Variants in ITGAV observed in about 807,000 individuals in gnomAD.
ITGAV encodes integrin subunit alpha V.
A neutral mutation model predicts 143.8 loss-of-function variants in ITGAV; 76 were observed. That is an observed-to-expected ratio of 0.53 (90% confidence interval 0.44 to 0.64). The LOEUF is 0.64. Ranked by LOEUF, ITGAV falls within the 30% of genes least tolerant of loss-of-function variation. The pLI is 0.00. For missense variants in ITGAV, 1,193 were observed against 1,274.7 expected, an observed-to-expected ratio of 0.94 and a Z score of 0.98; for synonymous variants, 453 against 446.7, an observed-to-expected ratio of 1.01 and a Z score of -0.18.
At chr2:186,655,170 C>T (rs911514198) in intron 16 of ITGAV, among the ~76,000 whole-genome samples, 3 of 152,174 alleles carry the variant, frequency 2.0e-5, no homozygotes, top group African/African-American at 7.2e-5. Context: ...CTCTACTCTT[C>T]TTTTCCTAAA....
chr2:186,646,853 G>C lies in ITGAV; in HGVS notation c.1327G>C (p.Asp443His). Residue 443 changes from aspartate (D) to histidine (H), a missense_variant, in exon 13 of 30, where the codon GAT becomes CAT. Asp to His is a moderately conservative substitution (Grantham distance 81). Coordinates refer to ENST00000261023, the MANE Select transcript of ITGAV (RefSeq NM_002210.5). ...TGGCTATTCAATGAAAGGAGCCACAGATATAGACAAAAATGGATATCCAGG... is the reference window on the plus strand; with the variant it reads ...TGGCTATTCAATGAAAGGAGCCACACATATAGACAAAAATGGATATCCAGG... ...SFGYSMKGAT[D>H]IDKNGYPDLI... is the part of the protein sequence containing the mutation. The C allele has an allele frequency of 6.3e-7, 1 of 1,594,670 alleles. No homozygotes were observed. Among genetic ancestry groups the C allele is most frequent in the Non-Finnish European group, 8.6e-7 (1 of 1,167,262 alleles).
chr2:186,638,631 C>CGT (rs34535817), intron 10 of ITGAV, among the ~76,000 whole-genome samples, 166 bp downstream of exon 10: 7,425 of 144,702 alleles, frequency 0.051, 288 homozygotes, highest in African/African-American at 0.1. Context: ...CTCTTTTGAG[C>CGT]GTGTGTGTGT....
Position 186,663,828 on chromosome 2 carries a change from G to T in ITGAV, c.1918G>T (p.Val640Leu). The change falls in exon 19 of 30, where the codon GTA (valine) becomes TTA (leucine). Residue 640 changes from valine to leucine, a missense_variant. Coordinates refer to ENST00000261023, the MANE Select transcript of ITGAV (RefSeq NM_002210.5). ...NVCKPKLEVS[V>L]DSDQKKIYIG... is the part of the protein sequence containing the mutation. Reference sequence around the variant, plus strand: ...CTGTAAACCCAAGCTGGAAGTTTCTGTAGATAGGTAAGTTTTGCTTGAAAT... The same window carrying T: ...CTGTAAACCCAAGCTGGAAGTTTCTTTAGATAGGTAAGTTTTGCTTGAAAT... 1 of 1,607,632 alleles carries T rather than the reference G, an allele frequency of 6.2e-7. No homozygotes were observed.
chr2:186,613,919 G>A (rs1364529653), intron 2 of ITGAV, among the ~76,000 whole-genome samples: 2 of 151,892 alleles, frequency 1.3e-5, no homozygotes, highest in African/African-American at 4.8e-5. Context: ...TAGAATAGAG[G>A]TTCCTAGGAA....
intron 1 of ITGAV, among the ~76,000 whole-genome samples, chr2:186,595,528 CCTCT>C (rs528202159): frequency 1.4e-4 from 22 of 152,096 alleles, no homozygotes; most frequent in Non-Finnish European, 2.5e-4. Context: ...TCTTGTCCTT[CCTCT>C]CTTTTTCCTT....
At chr2:186,623,112 A>T (rs779929535) in intron 3 of ITGAV, among the ~76,000 whole-genome samples, 1 of 151,988 alleles carries the variant, frequency 6.6e-6, no homozygotes, top group African/African-American at 2.4e-5. Flanking sequence ...ATCTCCCCCT[A>T]TGCCACTGTC....
At chr2:186,627,335 A>G (rs1225592600) in intron 4 of ITGAV, among the ~76,000 whole-genome samples, 1 of 152,200 alleles carries the variant, frequency 6.6e-6, no homozygotes, top group Admixed American at 6.5e-5. Context: ...TTCTATTCCA[A>G]AAGAACCTTT....
intron 2 of ITGAV, among the ~76,000 whole-genome samples, chr2:186,606,153 ACTTT>A (rs538245407): frequency 1.2e-3 from 189 of 152,276 alleles, no homozygotes; most frequent in Non-Finnish European, 1.9e-3. Context: ...ATCCTGCTAA[ACTTT>A]CTTTATGTCT....
intron 14 of ITGAV, among the ~76,000 whole-genome samples, chr2:186,650,097 A>G (rs934542445): frequency 6.6e-6 from 1 of 152,224 alleles, no homozygotes. Context: ...ATATTTTGAT[A>G]TATTCATACA....
chr2:186,611,790 TG>T, intron 2 of ITGAV, among the ~76,000 whole-genome samples: 1 of 152,162 alleles, frequency 6.6e-6, no homozygotes, highest in African/African-American at 2.4e-5. Context: ...CAGTCAGGCA[TG>T]GTGGCCTGGT....
intron 11 of ITGAV, 96 bp downstream of exon 11, chr2:186,641,063 C>CT: frequency 1.1e-6 from 1 of 933,138 alleles, no homozygotes; most frequent in South Asian, 1.5e-5. Context: ...TTTTGTATTC[C>CT]TTTTCTGCTA....
intron 4 of ITGAV, among the ~76,000 whole-genome samples, chr2:186,629,749 G>GTT (rs1559049751): frequency 6.6e-6 from 1 of 152,006 alleles, no homozygotes; most frequent in Non-Finnish European, 1.5e-5. Context: ...GGCAAACAAA[G>GTT]TAACAGTACA....
chr2:186,603,162 C>T (rs1686961497), intron 2 of ITGAV, among the ~76,000 whole-genome samples: 2 of 152,090 alleles, frequency 1.3e-5, no homozygotes, highest in Non-Finnish European at 2.9e-5. Flanking sequence ...CTTAGATAGT[C>T]CTTAAGGAAA....
chr2:186,590,212 A>C lies in ITGAV; in HGVS notation c.-127A>C. On this transcript the variant is annotated 5_prime_UTR_variant, in exon 1 of 30. Transcript: ENST00000261023. ...GCCTGCCCCGGAGCTGTCCCGGGCTAGCCGAGAAGAGAGCGGCCGGCAAGT... is the reference window on the plus strand; with the variant it reads ...GCCTGCCCCGGAGCTGTCCCGGGCTCGCCGAGAAGAGAGCGGCCGGCAAGT... 1 of 754,874 alleles carries C rather than the reference A, an allele frequency of 1.3e-6. No individual in the cohort carries two copies. Among genetic ancestry groups the C allele is most frequent in the Non-Finnish European group, 1.9e-6 (1 of 528,130 alleles). The allele number at this position is 754,874 out of a possible 1,614,324, so 46.8% of individuals were successfully genotyped here. A position where few individuals can be genotyped will look rare whatever the true frequency, so the allele number is the denominator to read the frequency against.
chr2:186,656,330 AG>A lies in ITGAV; in HGVS notation c.1649del (p.Ser550IlefsTer6). The A allele has an allele frequency of 6.3e-7, 1 of 1,576,780 alleles. No homozygotes were observed. The highest frequency in any genetic ancestry group is 8.6e-7 in the Non-Finnish European group (1 of 1,165,830). On this transcript the variant is annotated frameshift_variant, in exon 17 of 30. Transcript: ENST00000261023. LOFTEE classifies it high-confidence loss of function. ...RALFLYSRSP[S>X]HSKNMTISRG... ...ACTGTTTCTCTACAGCAGGTCCCCA[AG>A]TCACTCCAAGAACATGACTATTTCA... is the stretch of plus-strand genomic sequence containing the variant.
At chr2:186,612,325 C>T (rs773540535) in intron 2 of ITGAV, among the ~76,000 whole-genome samples, 22 of 151,568 alleles carry the variant, frequency 1.5e-4, no homozygotes, top group African/African-American at 4.4e-4. Flanking sequence ...CACTGCCCTA[C>T]GAAAGTCTCT....
chr2:186,643,001 T>TA (rs1688151957), intron 12 of ITGAV, among the ~76,000 whole-genome samples: 2 of 152,286 alleles, frequency 1.3e-5, no homozygotes, highest in East Asian at 3.9e-4. Flanking sequence ...ACCAAATCAT[T>TA]ACTTAATCAT....
At chr2:186,616,520 C>T (rs971784644) in intron 2 of ITGAV, among the ~76,000 whole-genome samples, 4 of 151,866 alleles carry the variant, frequency 2.6e-5, no homozygotes, top group East Asian at 3.9e-4. Flanking sequence ...CCTCGTGATC[C>T]GCCCGCCTCG....
chr2:186,608,213 T>C (rs1332406287), intron 2 of ITGAV, among the ~76,000 whole-genome samples: 2 of 152,184 alleles, frequency 1.3e-5, no homozygotes, highest in Admixed American at 6.5e-5. Flanking sequence ...TTGTGTCCTA[T>C]ATCCTTGCAA....
Sources: allele counts gnomAD v4.1 joint callset (sites outside exome capture counted in the v4.1 genomes callset), GRCh38; gene constraint gnomAD v4.1.1; transcripts MANE v1.5; gene names NCBI Gene and HGNC (gene_info 2026-07-23, HGNC 2026-07-21).